PALM2AKAP2: variants seen among roughly 807,000 people sequenced by gnomAD.
PALM2AKAP2 encodes the protein PALM2-AKAP2 fusion protein.
Under a neutral mutation model 71.5 loss-of-function variants are expected in PALM2AKAP2, and 37 were observed. That is an observed-to-expected ratio of 0.52 (90% CI 0.40 to 0.68). The LOEUF (loss-of-function observed/expected upper bound fraction) is 0.68. Ranked by LOEUF, PALM2AKAP2 falls within the 30% of genes least tolerant of loss-of-function variation. PALM2AKAP2 has a pLI of 0.00. For synonymous variants in PALM2AKAP2, 468 were observed against 478.8 expected (o/e 0.98, Z 0.29); for missense variants, 1,224 against 1,191.8 (o/e 1.03, Z -0.40).
At chr9:109,992,550 T>A (rs914975911) in intron 6 of PALM2AKAP2, among the ~76,000 whole-genome samples, 1 of 152,112 alleles carries the variant, frequency 6.6e-6, no homozygotes, top group Admixed American at 6.6e-5. Flanking sequence ...TCCTGAGTAG[T>A]TGGGACTGCA....
chr9:109,829,969 C>T (rs138783826), intron 1 of PALM2AKAP2, among the ~76,000 whole-genome samples: 1 of 152,228 alleles, frequency 6.6e-6, no homozygotes, highest in East Asian at 1.9e-4. Flanking sequence ...ATTCTCCATC[C>T]ATATGCCCCA....
At chr9:109,979,434 C>A (rs1347567991) in intron 6 of PALM2AKAP2, among the ~76,000 whole-genome samples, 3 of 152,216 alleles carry the variant, frequency 2.0e-5, no homozygotes, top group Admixed American at 6.5e-5. Flanking sequence ...ATATCAGTCA[C>A]CTGTCTCTTA....
At chr9:109,697,740 A>G (rs984129586) in intron 1 of PALM2AKAP2, among the ~76,000 whole-genome samples, 11 of 152,196 alleles carry the variant, frequency 7.2e-5, no homozygotes, top group African/African-American at 2.7e-4. Flanking sequence ...CTTAAGAATT[A>G]TCTCTGCAAT....
intron 1 of PALM2AKAP2, among the ~76,000 whole-genome samples, chr9:109,828,141 G>C (rs1828204255): frequency 6.6e-6 from 1 of 152,100 alleles, no homozygotes; most frequent in Admixed American, 6.5e-5. Context: ...GGGAATTTAG[G>C]GGATTTGAAT....
chr9:109,811,469 T>A (rs1479120171), intron 1 of PALM2AKAP2, among the ~76,000 whole-genome samples: 1 of 152,120 alleles, frequency 6.6e-6, no homozygotes, highest in African/African-American at 2.4e-5. Flanking sequence ...TTCTAATGCA[T>A]GGTGGAAAGT....
chr9:109,685,434 C>T (rs1827793856), intron 1 of PALM2AKAP2, among the ~76,000 whole-genome samples: 1 of 152,008 alleles, frequency 6.6e-6, no homozygotes, highest in South Asian at 2.1e-4. Context: ...TGCAATAAAG[C>T]AAGTCACACA....
chr9:109,820,184 G>T (rs1038304782), intron 1 of PALM2AKAP2, among the ~76,000 whole-genome samples: 1 of 152,182 alleles, frequency 6.6e-6, no homozygotes, highest in African/African-American at 2.4e-5. Context: ...AATTAAGTTA[G>T]TCAGACTTAG....
intron 1 of PALM2AKAP2, among the ~76,000 whole-genome samples, chr9:109,839,951 A>G (rs1205641278): frequency 6.6e-6 from 1 of 152,220 alleles, no homozygotes; most frequent in Non-Finnish European, 1.5e-5. Context: ...AAAGTAATTT[A>G]TAGATTCAAT....
intron 1 of PALM2AKAP2, among the ~76,000 whole-genome samples, chr9:109,803,306 A>T (rs542229546): frequency 6.6e-6 from 1 of 152,320 alleles, no homozygotes; most frequent in Non-Finnish European, 1.5e-5. Flanking sequence ...AATAGTGCTC[A>T]TAGGGGATAG....
intron 3 of PALM2AKAP2, among the ~76,000 whole-genome samples, chr9:109,891,708 T>C (rs1830093919): frequency 1.3e-5 from 2 of 152,162 alleles, no homozygotes; most frequent in African/African-American, 4.8e-5. Flanking sequence ...CCAGGCTGGC[T>C]TTGAACTCCT....
intron 6 of PALM2AKAP2, among the ~76,000 whole-genome samples, chr9:109,991,785 G>A (rs1832488210): frequency 6.6e-6 from 1 of 152,132 alleles, no homozygotes; most frequent in African/African-American, 2.4e-5. Flanking sequence ...GATGGTGAAT[G>A]ACCTAGGAAC....
At chr9:109,958,939 C>A (rs377194924) in intron 6 of PALM2AKAP2, among the ~76,000 whole-genome samples, 1 of 152,156 alleles carries the variant, frequency 6.6e-6, no homozygotes, top group East Asian at 1.9e-4. Flanking sequence ...ATTTGTAGTT[C>A]CCCATGGTTG....
At chr9:110,165,636 G>A (rs1224310369) in intron 3 of PALM2AKAP2, among the ~76,000 whole-genome samples, 1 of 152,152 alleles carries the variant, frequency 6.6e-6, no homozygotes, top group African/African-American at 2.4e-5. Context: ...CTCATTGTTG[G>A]TATAAGTGAA....
At chr9:110,039,726 A>C (rs1246252879) in intron 7 of PALM2AKAP2, among the ~76,000 whole-genome samples, 1 of 152,118 alleles carries the variant, frequency 6.6e-6, no homozygotes. Context: ...CACCTATCTG[A>C]ACCCACAGTT....
intron 3 of PALM2AKAP2, among the ~76,000 whole-genome samples, chr9:110,158,642 A>G (rs1022282166): frequency 3.3e-5 from 5 of 152,170 alleles, no homozygotes; most frequent in African/African-American, 1.2e-4. Context: ...TAATATGCTG[A>G]TTGCCCTTCA....
intron 1 of PALM2AKAP2, among the ~76,000 whole-genome samples, chr9:109,784,213 G>C (rs1005660342): frequency 9.9e-5 from 15 of 152,170 alleles, no homozygotes; most frequent in African/African-American, 3.6e-4. Flanking sequence ...AGAAAGGCAC[G>C]GTGTGAAATA....
chr9:109,960,330 G>A (rs1831830829), intron 6 of PALM2AKAP2, among the ~76,000 whole-genome samples: 1 of 152,202 alleles, frequency 6.6e-6, no homozygotes, highest in South Asian at 2.1e-4. Flanking sequence ...CCATACGGCT[G>A]ACCCTTCAGT....
chr9:109,950,905 C>T (rs1259762331), intron 6 of PALM2AKAP2, among the ~76,000 whole-genome samples: 1 of 152,226 alleles, frequency 6.6e-6, no homozygotes, highest in African/African-American at 2.4e-5. Context: ...GGCAGGGAGA[C>T]ATCCAGTCAC....
Position 110,145,640 on chromosome 9 carries a change from G to T in PALM2AKAP2, c.2569+7101G>T, listed in dbSNP as rs560260625. Among the ~76,000 whole-genome samples, 17 of 152,068 alleles carry T rather than the reference G, an allele frequency of 1.1e-4. No homozygotes were observed. In the South Asian group the frequency reaches 1.2e-3, roughly 11 times the overall value. ...TTGCCTTTTAAAAATTGATCTTTCT[G>T]CCTTGGCCCAGACTTCCCTGTGTTC... On this transcript the variant is annotated intron_variant, in intron 2 of 3. Transcript: ENST00000374525.
Sources: allele counts gnomAD v4.1 joint callset (sites outside exome capture counted in the v4.1 genomes callset), GRCh38; gene constraint gnomAD v4.1.1; transcripts MANE v1.5; gene names NCBI Gene and HGNC (gene_info 2026-07-23, HGNC 2026-07-21).